The following ASCC3 variants were observed in gnomAD, a reference collection of about 807,000 sequenced individuals.
ASCC3 encodes the protein ASC-1 complex subunit P200.
In ASCC3, 158 loss-of-function variants were observed where a neutral mutation model predicts 256.3. That is an observed-to-expected ratio of 0.62 (90% CI 0.54 to 0.70). ASCC3 has a LOEUF of 0.70. Among genes scored for constraint, ASCC3 ranks in the 30% least tolerant of loss-of-function variants. ASCC3 has a pLI of 0.00. For missense variants in ASCC3, 2,259 were observed against 2,626.0 expected (o/e 0.86, Z 3.05); for synonymous variants, 948 against 883.4 (o/e 1.07, Z -1.30).
At chr6:100,641,512 G>C (rs1775118048) in intron 24 of ASCC3, among the ~76,000 whole-genome samples, 2 of 152,162 alleles carry the variant, frequency 1.3e-5, no homozygotes, top group South Asian at 4.1e-4. Context: ...AGAAGTGTCT[G>C]TTCATATCCT....
rs1476655529 is a variant in ASCC3, at chr6:100,509,516, T to C, written c.6479A>G (p.Tyr2160Cys). The C allele has an allele frequency of 1.1e-5, 17 of 1,613,038 alleles. No individual in the cohort carries two copies. Among genetic ancestry groups the C allele is most frequent in the Non-Finnish European group, 1.4e-5 (17 of 1,178,998 alleles). ...GCCAAGGTAGCAGTCACTCATGAAATATAATGTGTAGATATACCTAAAATA... is the reference window on the plus strand; with the variant it reads ...GCCAAGGTAGCAGTCACTCATGAAACATAATGTGTAGATATACCTAAAATA... The part of the protein sequence containing the change: ...EIPGRYIYTL[Y>C]FMSDCYLGLD... The change falls in exon 42 of 42, where the codon TAT becomes TGT. Residue 2160 changes from tyrosine to cysteine, a missense_variant. Physicochemically the swap from Tyr to Cys is radical, Grantham distance 194 (BLOSUM62 -2). Around this residue, in one of 2 missense-constraint regions of ASCC3, gnomAD observed 1,839 missense variants for 2,206.7 expected, o/e 0.83. Transcript: ENST00000369162.
intron 34 of ASCC3, among the ~76,000 whole-genome samples, chr6:100,599,973 G>T (rs994525029): frequency 1.3e-5 from 2 of 152,000 alleles, no homozygotes; most frequent in Non-Finnish European, 2.9e-5. Context: ...ATATGACCCA[G>T]TGAGGGAGGG....
chr6:100,530,159 GT>G (rs1419647335), intron 37 of ASCC3: 1 of 593,214 alleles, frequency 1.7e-6, no homozygotes, highest in East Asian at 2.8e-5. Context: ...ATGTGCATGT[GT>G]GTGAGATGTG....
intron 37 of ASCC3, among the ~76,000 whole-genome samples, chr6:100,529,987 A>ATT (rs67303856): frequency 2.1e-5 from 3 of 145,514 alleles, no homozygotes; most frequent in African/African-American, 5.0e-5. Context: ...TTAAATCGTG[A>ATT]TTTTTTTTTT....
Position 100,518,084 on chromosome 6 carries a change from T to G in ASCC3, c.5834A>C (p.Asn1945Thr), listed in dbSNP as rs770727020. 1.9e-6 allele frequency: 3 copies of G among 1,613,590 alleles called. No homozygotes were observed. Among genetic ancestry groups the G allele is most frequent in the East Asian group, 2.2e-5 (1 of 44,874 alleles). Residue 1945 changes from asparagine (N) to threonine (T), a missense_variant, in exon 38 of 42, where the codon AAC becomes ACC. Around this residue, in one of 2 missense-constraint regions of ASCC3, gnomAD observed 1,839 missense variants for 2,206.7 expected, o/e 0.83. Coordinates refer to ENST00000369162, the MANE Select transcript of ASCC3 (RefSeq NM_006828.4). ...ACCCTGGATCACCATCTGAATCAGG[T>G]TGGTGATATTCAGGACAGTCACCAG... Reference protein sequence around the residue: ...GWLVTVLNITNLIQMVIQGRW... With the variant: ...GWLVTVLNITTLIQMVIQGRW...
At chr6:100,782,506 T>C (rs1782497142) in intron 8 of ASCC3, among the ~76,000 whole-genome samples, 1 of 152,190 alleles carries the variant, frequency 6.6e-6, no homozygotes, top group Non-Finnish European at 1.5e-5. Context: ...CGCTCACAAA[T>C]CAATGCCTAT....
chr6:100,611,860 T>C lies in ASCC3; in HGVS notation c.4786-4772A>G, dbSNP rs190819561. Among the ~76,000 whole-genome samples the C allele has an allele frequency of 3.6e-3, 435 of 119,434 alleles. 4 individuals carry two copies. The highest frequency in any genetic ancestry group is 7.8e-3 in the Admixed American group (79 of 10,072). The allele number at this position is 119,434 out of a possible 152,430, so 78.4% of individuals were successfully genotyped here. On this transcript the variant is annotated intron_variant, in intron 30 of 41. Coordinates refer to ENST00000369162, the MANE Select transcript of ASCC3 (RefSeq NM_006828.4). ...TAATTCTTGTTAAGAAGAGTTGCTA[T>C]AGAATTAAAAAAAAAAACCATGATA...
intron 37 of ASCC3, among the ~76,000 whole-genome samples, chr6:100,519,751 G>T (rs1294609711): frequency 6.6e-6 from 1 of 152,032 alleles, no homozygotes; most frequent in East Asian, 1.9e-4. Flanking sequence ...AGAGCTAGAT[G>T]GATGAACCAT....
chr6:100,608,196 AC>A lies in ASCC3; in HGVS notation c.4786-1109del, dbSNP rs1259138084. Among the ~76,000 whole-genome samples, 18 of 100,372 alleles carry A rather than the reference AC, an allele frequency of 1.8e-4. 3 individuals carry two copies. The highest frequency in any genetic ancestry group is 4.5e-4 in the African/African-American group (11 of 24,236). The allele number at this position is 100,372 out of a possible 152,430, so 65.8% of individuals were successfully genotyped here. On this transcript the variant is annotated intron_variant, in intron 30 of 41. Coordinates refer to ENST00000369162, the MANE Select transcript of ASCC3 (RefSeq NM_006828.4). ...TTTATATATGTGTGTGTATATATAT[AC>A]TTTATATATATACTTTATATATATA... is the stretch of plus-strand genomic sequence containing the variant.
intron 36 of ASCC3, among the ~76,000 whole-genome samples, chr6:100,545,858 T>C (rs930879318): frequency 9.2e-5 from 14 of 152,188 alleles, no homozygotes; most frequent in African/African-American, 3.1e-4. Context: ...TGGGATTACA[T>C]ATGTGAACCA....
At chr6:100,572,340 T>G (rs1444092291) in intron 36 of ASCC3, among the ~76,000 whole-genome samples, 3 of 152,210 alleles carry the variant, frequency 2.0e-5, no homozygotes, top group Non-Finnish European at 4.4e-5. Flanking sequence ...ACACTGAATC[T>G]GCTGATTCCT....
chr6:100,808,491 C>T (rs895981431), intron 4 of ASCC3, among the ~76,000 whole-genome samples: 5 of 151,772 alleles, frequency 3.3e-5, no homozygotes, highest in Non-Finnish European at 5.9e-5. Flanking sequence ...TCTATGTGAG[C>T]CTGGATTCCC....
At chr6:100,530,629 C>T (rs1035744341) in intron 37 of ASCC3, 10 of 808,124 alleles carry the variant, frequency 1.2e-5, no homozygotes, top group Non-Finnish European at 2.0e-5. Flanking sequence ...TGTGAGTTCT[C>T]CAAACAGGAG....
intron 10 of ASCC3, among the ~76,000 whole-genome samples, chr6:100,737,007 G>A (rs1780202888): frequency 6.6e-6 from 1 of 151,932 alleles, no homozygotes; most frequent in Admixed American, 6.6e-5. Context: ...ACTTAGCCTG[G>A]GTAGTGGCGT....
chr6:100,760,405 TA>T (rs1781369218), intron 10 of ASCC3, among the ~76,000 whole-genome samples: 1 of 152,208 alleles, frequency 6.6e-6, no homozygotes, highest in Non-Finnish European at 1.5e-5. Context: ...TCTATTGAGA[TA>T]ATCGTGTGGT....
intron 14 of ASCC3, among the ~76,000 whole-genome samples, chr6:100,673,696 T>A (rs911708850): frequency 2.0e-5 from 3 of 152,194 alleles, no homozygotes; most frequent in Non-Finnish European, 4.4e-5. Context: ...TGTCCCTTGA[T>A]TGGAAGAAAG....
At chr6:100,524,285 G>A (rs893237448) in intron 37 of ASCC3, among the ~76,000 whole-genome samples, 2 of 151,858 alleles carry the variant, frequency 1.3e-5, no homozygotes, top group Non-Finnish European at 2.9e-5. Context: ...AAATTATTAT[G>A]TATTTAATTC....
At chr6:100,870,759 T>C (rs1773703503) in intron 1 of ASCC3, among the ~76,000 whole-genome samples, 2 of 152,142 alleles carry the variant, frequency 1.3e-5, no homozygotes, top group African/African-American at 4.8e-5. Context: ...AGCATGGAAA[T>C]AAGATGATTC....
intron 37 of ASCC3, among the ~76,000 whole-genome samples, chr6:100,538,117 A>G (rs1488154141): frequency 6.6e-6 from 1 of 151,734 alleles, no homozygotes; most frequent in Admixed American, 6.5e-5. Flanking sequence ...ACATATAAAA[A>G]TTACAATGTA....
Sources: allele counts gnomAD v4.1 joint callset (sites outside exome capture counted in the v4.1 genomes callset), GRCh38; gene constraint gnomAD v4.1.1; regional missense constraint gnomAD v4.1.1; transcripts MANE v1.5; gene names NCBI Gene and HGNC (gene_info 2026-07-23, HGNC 2026-07-21).